WNK2: variants seen among roughly 807,000 people sequenced by gnomAD.
The protein encoded by WNK2 is WNK lysine deficient protein kinase 2.
In WNK2, 67 loss-of-function variants were observed where a neutral mutation model predicts 192.1. The observed-to-expected ratio is 0.35, with a 90% CI of 0.29 to 0.43. The LOEUF is 0.43. WNK2 is among the 20% of genes least tolerant of loss of function. The pLI is 1.00. For missense variants in WNK2, 2,698 were observed against 3,089.7 expected (o/e 0.87, Z 3.01); for synonymous variants, 1,439 against 1,393.9 (o/e 1.03, Z -0.72).
intron 8 of WNK2, among the ~76,000 whole-genome samples, chr9:93,251,041 C>A (rs1219767973): frequency 6.6e-6 from 1 of 152,138 alleles, no homozygotes; most frequent in African/African-American, 2.4e-5. Flanking sequence ...CCCGCCTCAG[C>A]CTCTCAAGGT....
intron 9 of WNK2, among the ~76,000 whole-genome samples, chr9:93,253,513 A>G (rs1842874201): frequency 6.6e-6 from 1 of 152,142 alleles, no homozygotes; most frequent in South Asian, 2.1e-4. Flanking sequence ...ATTATCCCAG[A>G]CTGTTCCATA....
intron 2 of WNK2, among the ~76,000 whole-genome samples, chr9:93,202,636 T>C (rs920564502): frequency 6.6e-6 from 1 of 150,722 alleles, no homozygotes; most frequent in Non-Finnish European, 1.5e-5. Context: ...GAGGGAAAAT[T>C]ACATGGGGTG....
chr9:93,263,563 C>T lies in WNK2; in HGVS notation c.3411-3C>T. On this transcript the variant is annotated splice_region_variant and splice_polypyrimidine_tract_variant and intron_variant, in intron 14 of 29. Transcript: ENST00000427277. ...GCCATTAATGTTCTTGGGTTTTGCTCAGCTATGGAGGTTCTGATGTCACTT... is the reference window on the plus strand; with the variant it reads ...GCCATTAATGTTCTTGGGTTTTGCTTAGCTATGGAGGTTCTGATGTCACTT... 6 of 1,611,358 alleles carry T rather than the reference C, an allele frequency of 3.7e-6. No homozygotes were observed. Among genetic ancestry groups the T allele is most frequent in the South Asian group, 1.1e-5 (1 of 90,450 alleles).
Position 93,247,612 on chromosome 9 carries a change from T to C in WNK2, c.1612T>C (p.Leu538=), listed in dbSNP as rs769036765. Residue 538 remains leucine (L), a synonymous_variant, in exon 8 of 30, where the codon TTG becomes CTG. Transcript: ENST00000427277. This position sits in a 1 kb window ranked among gnomAD's most constrained non-coding sequence, Gnocchi z 5.2. ...CAAGTCCATCCGTGACCGCGTGGCC[T>C]TGATCCAGTGGCGGCGGGAGAGGAT... ...VAKSIRDRVA[L]IQWRRERIWP... 1 of 1,604,166 alleles carries C rather than the reference T, an allele frequency of 6.2e-7. No homozygotes were observed.
At chr9:93,302,126 C>T (rs2134124494) in intron 26 of WNK2, among the ~76,000 whole-genome samples, 1 of 152,350 alleles carries the variant, frequency 6.6e-6, no homozygotes, top group South Asian at 2.1e-4. Flanking sequence ...CATGGGTAAA[C>T]CCCCAGGGCA....
chr9:93,187,252 G>T (rs985313466), intron 2 of WNK2, among the ~76,000 whole-genome samples: 2 of 152,144 alleles, frequency 1.3e-5, no homozygotes, highest in Non-Finnish European at 2.9e-5. Context: ...TTAAGGAAAC[G>T]CAGGCGATTC....
Position 93,259,469 on chromosome 9 carries a change from GGCCCCCTCAACCTGTGCT to G in WNK2, c.2928_2945del (p.Val979_Pro984del). The G allele has an allele frequency of 1.8e-6, 2 of 1,104,208 alleles. No homozygotes were observed. Among genetic ancestry groups the G allele is most frequent in the Non-Finnish European group, 2.3e-6 (2 of 851,270 alleles). The allele number at this position is 1,104,208 out of a possible 1,614,324, so 68.4% of individuals were successfully genotyped here. ...CCTGTGTTGCCCCCGCAACCCACAC[GGCCCCCTCAACCTGTGCT>G]GCCCCCGCAACCCATGCTGCCCCCA... On this transcript the variant is annotated inframe_deletion, in exon 12 of 30. Transcript: ENST00000427277. This position sits in a 1 kb window ranked among gnomAD's most constrained non-coding sequence, Gnocchi z 4.8.
intron 28 of WNK2, among the ~76,000 whole-genome samples, chr9:93,314,537 A>G (rs1003796176): frequency 2.0e-5 from 3 of 152,210 alleles, no homozygotes; most frequent in Non-Finnish European, 4.4e-5. Context: ...CACAAGCACC[A>G]TCAAGTTCAA....
At position 93,186,696 on chromosome 9, in the gene WNK2, C is replaced by T. The variant is rs75276591; in HGVS notation, c.681+1086C>T. On this transcript the variant is annotated intron_variant, in intron 2 of 29. Transcript: ENST00000427277. ...GGGATTCAATTGCTATATCCTCCGG[C>T]CCCGACAGGGTGGCCTGCGTGTGTG... Among the ~76,000 whole-genome samples the T allele has an allele frequency of 2.6e-3, 397 of 152,320 alleles. 3 individuals carry two copies. The highest frequency in any genetic ancestry group is 4.3e-3 in the Non-Finnish European group (291 of 68,026).
chr9:93,221,162 C>T (rs1836814371), intron 2 of WNK2, among the ~76,000 whole-genome samples: 1 of 152,246 alleles, frequency 6.6e-6, no homozygotes, highest in Non-Finnish European at 1.5e-5. Context: ...CGTGCTCATG[C>T]TGGGCATGGG....
intron 29 of WNK2, chr9:93,318,336 G>T: frequency 6.3e-7 from 1 of 1,584,546 alleles, no homozygotes. Context: ...CTTAAGTATT[G>T]AAGAGCTTCC....
In WNK2 at chr9:93,247,321, A is replaced by T. The variant is rs2132494481; in HGVS notation, c.1543-222A>T. ...TTGCTCTTGCTGTGGACTCTGCGGG[A>T]TGCAGGTCAGGCCTGCGTGGTGGTG... is the stretch of plus-strand genomic sequence containing the variant. On this transcript the variant is annotated intron_variant, in intron 7 of 29. Coordinates refer to ENST00000427277, the MANE Select transcript of WNK2 (RefSeq NM_006648.4). This position sits in a 1 kb window ranked among gnomAD's most constrained non-coding sequence, Gnocchi z 5.2. Among the ~76,000 whole-genome samples, 1 of 152,292 alleles carries T rather than the reference A, an allele frequency of 6.6e-6. No individual in the cohort carries two copies. Among genetic ancestry groups the T allele is most frequent in the Non-Finnish European group, 1.5e-5 (1 of 68,026 alleles).
At chr9:93,232,924 C>T (rs117957125) in intron 4 of WNK2, among the ~76,000 whole-genome samples, 1,540 of 110,686 alleles carry the variant, frequency 0.014, 17 homozygotes, top group Non-Finnish European at 0.02. Context: ...CTCAGGGGTT[C>T]GAGGCTAGTC....
chr9:93,218,860 G>C (rs1174746191), intron 2 of WNK2, among the ~76,000 whole-genome samples: 1 of 152,198 alleles, frequency 6.6e-6, no homozygotes, highest in Non-Finnish European at 1.5e-5. Context: ...CCCCTTGCCT[G>C]GCTCTCCCTC....
At chr9:93,237,610 CTT>C (rs1193860465) in intron 5 of WNK2, among the ~76,000 whole-genome samples, 3 of 152,216 alleles carry the variant, frequency 2.0e-5, no homozygotes, top group Non-Finnish European at 4.4e-5. Context: ...TTGTAGGTCT[CTT>C]TCTGTTGGCT....
rs370654793 is a variant in WNK2, at chr9:93,261,899, C to T, written c.3152C>T (p.Ser1051Leu). 5.0e-6 allele frequency: 8 copies of T among 1,604,720 alleles called. No individual in the cohort carries two copies. Among genetic ancestry groups the T allele is most frequent in the African/African-American group, 2.7e-5 (2 of 75,038 alleles). Residue 1051 changes from serine to leucine, a missense_variant, in exon 13 of 30, where the codon TCG (serine) becomes TTG (leucine). Ser to Leu is a moderately radical substitution (Grantham distance 145). Coordinates refer to ENST00000427277, the MANE Select transcript of WNK2 (RefSeq NM_006648.4). ...CCTGTGCCACCGGCTGCGGTCCTCT[C>T]GCCGCCTCTGCCGGAAGTGCTGCTG... ...TVPVPPAAVLSPPLPEVLLPA... is the reference protein window; with the variant it reads ...TVPVPPAAVLLPPLPEVLLPA...
At chr9:93,319,222 C>T (rs1564256722) in intron 29 of WNK2, 1 of 1,609,422 alleles carries the variant, frequency 6.2e-7, no homozygotes, top group Non-Finnish European at 8.5e-7. Context: ...TGTGAAACAA[C>T]ATCTTTTTCT....
At chr9:93,197,007 G>A (rs145577195) in intron 2 of WNK2, among the ~76,000 whole-genome samples, 1,900 of 152,288 alleles carry the variant, frequency 0.012, 23 homozygotes, top group Middle Eastern at 0.034. Context: ...CTTCCCTCCT[G>A]TGTGGCCACC....
chr9:93,267,403 C>A (rs1440998463), intron 16 of WNK2, among the ~76,000 whole-genome samples: 4 of 152,156 alleles, frequency 2.6e-5, no homozygotes, highest in African/African-American at 9.7e-5. Context: ...CCCCTCTTCC[C>A]AGTCCCCGTC....
Sources: allele counts gnomAD v4.1 joint callset (sites outside exome capture counted in the v4.1 genomes callset), GRCh38; gene constraint gnomAD v4.1.1; non-coding constraint Gnocchi (gnomAD v3.1); transcripts MANE v1.5; gene names NCBI Gene and HGNC (gene_info 2026-07-23, HGNC 2026-07-21).